The following PRRG1 variants were observed in gnomAD, a reference collection of about 807,000 sequenced individuals.
PRRG1 encodes transmembrane gamma-carboxyglutamic acid protein 1.
In PRRG1, 5 loss-of-function variants were observed where a neutral mutation model predicts 11.8. The ratio of observed to expected loss-of-function variants is 0.42; its 90% CI spans 0.22 to 0.89. PRRG1 has a LOEUF of 0.89. Ranked by LOEUF, PRRG1 falls within the 40% of genes least tolerant of loss-of-function variation. The pLI is 0.28. For synonymous variants in PRRG1, 66 were observed against 60.4 expected (o/e 1.09, Z -0.43); for missense variants, 155 against 166.1 (o/e 0.93, Z 0.37).
At chrX:37,412,457 A>G (rs1318223180) in intron 2 of PRRG1, among the ~76,000 whole-genome samples, 1 of 99,418 alleles carries the variant, frequency 1.0e-5, no homozygotes, top group Non-Finnish European at 2.0e-5. Context: ...GAAGTGCCTA[A>G]TTTTATTTGG....
Position 37,392,533 on chromosome X carries a change from A to T in PRRG1, c.-41-13676A>T, listed in dbSNP as rs781933551. Reference sequence around the variant, plus strand: ...GTAAAACCCTGTCTATACAAAAAAAAAAAATAATAAAATTACCAGGAGGCT... The same window carrying T: ...GTAAAACCCTGTCTATACAAAAAAATAAAATAATAAAATTACCAGGAGGCT... On this transcript the variant is annotated intron_variant, in intron 1 of 3. Coordinates refer to ENST00000378628, the MANE Select transcript of PRRG1 (RefSeq NM_001142395.2). Among the ~76,000 whole-genome samples the T allele has an allele frequency of 2.8e-5, 3 of 107,820 alleles. No homozygotes were observed. In the East Asian group the frequency reaches 8.7e-4, roughly 31 times the overall value. 93.6% of individuals were successfully genotyped at this position (107,820 alleles called of 115,157 possible).
At chrX:37,384,759 C>A (rs1556374759) in intron 1 of PRRG1, among the ~76,000 whole-genome samples, 1 of 111,579 alleles carries the variant, frequency 9.0e-6, no homozygotes, top group African/African-American at 3.3e-5. Flanking sequence ...GATACCATTA[C>A]CCCCTCAAGA....
At chrX:37,437,082 A>G (rs1932892577) in intron 3 of PRRG1, among the ~76,000 whole-genome samples, 1 of 112,379 alleles carries the variant, frequency 8.9e-6, no homozygotes, top group African/African-American at 3.2e-5. Flanking sequence ...GGTCAATAAC[A>G]TGTTGTTCCT....
intron 1 of PRRG1, among the ~76,000 whole-genome samples, chrX:37,350,027 G>T (rs1324507103): frequency 3.0e-5 from 3 of 101,466 alleles, no homozygotes; most frequent in African/African-American, 7.4e-5. Context: ...GGTCGGTCGC[G>T]GTGCGGCCCT....
At position 37,453,191 on chromosome X, in the gene PRRG1, G is replaced by A. The variant is rs781874829; in HGVS notation, c.227G>A (p.Ser76Asn). The A allele has an allele frequency of 8.3e-7, 1 of 1,208,982 alleles. No individual in the cohort carries two copies. The highest frequency in any genetic ancestry group is 1.1e-6 in the Non-Finnish European group (1 of 893,021). Residue 76 changes from serine to asparagine, a missense_variant, in exon 4 of 4, where the codon AGT (serine) becomes AAT (asparagine). Ser to Asn is a conservative substitution (Grantham distance 46, BLOSUM62 1). Coordinates refer to ENST00000378628, the MANE Select transcript of PRRG1 (RefSeq NM_001142395.2). ...CAACAAGGGGAGAGTAACCGAGGAA[G>A]TGACTGGTTTCAGTTTTACCTTACC... The part of the protein sequence containing the change: ...KAQQGESNRG[S>N]DWFQFYLTFP...
intron 3 of PRRG1, 88 bp downstream of exon 3, chrX:37,426,088 T>C (rs1932769285): frequency 1.1e-6 from 1 of 946,070 alleles, no homozygotes; most frequent in South Asian, 2.9e-5. Context: ...TTATGTACAT[T>C]GCTAGCAATT....
chrX:37,404,016 T>C (rs781913017), intron 1 of PRRG1, among the ~76,000 whole-genome samples: 2 of 112,680 alleles, frequency 1.8e-5, no homozygotes, highest in African/African-American at 6.4e-5. Flanking sequence ...TGCTGACCTC[T>C]GGAGCAGCAA....
chrX:37,368,357 A>G (rs1172743635), intron 1 of PRRG1, among the ~76,000 whole-genome samples: 2 of 112,175 alleles, frequency 1.8e-5, no homozygotes, highest in African/African-American at 3.2e-5. Context: ...TTAAAATGCT[A>G]TTATGGGATC....
intron 1 of PRRG1, among the ~76,000 whole-genome samples, chrX:37,375,434 A>G (rs976341763): frequency 1.8e-5 from 2 of 111,823 alleles, no homozygotes; most frequent in Non-Finnish European, 3.8e-5. Flanking sequence ...CCAACCATGG[A>G]TGGAAAATGT....
intron 1 of PRRG1, among the ~76,000 whole-genome samples, chrX:37,377,579 A>T (rs1931016005): frequency 8.9e-6 from 1 of 111,828 alleles, no homozygotes; most frequent in Admixed American, 9.5e-5. Flanking sequence ...GTAAGAGATT[A>T]TGTGGGGTTT....
chrX:37,402,076 A>C (rs1356720881), intron 1 of PRRG1, among the ~76,000 whole-genome samples: 1 of 111,693 alleles, frequency 9.0e-6, no homozygotes, highest in Admixed American at 9.5e-5. Flanking sequence ...TAATTTATAG[A>C]TTCAATGCCA....
intron 1 of PRRG1, among the ~76,000 whole-genome samples, chrX:37,369,448 A>G (rs781961165): frequency 8.9e-6 from 1 of 112,038 alleles, no homozygotes; most frequent in African/African-American, 3.2e-5. Flanking sequence ...GTTAACATAT[A>G]TGCATTACCT....
At position 37,402,773 on chromosome X, in the gene PRRG1, A is replaced by C. The variant is rs781900753; in HGVS notation, c.-41-3436A>C. Among the ~76,000 whole-genome samples, 3 of 111,683 alleles carry C rather than the reference A, an allele frequency of 2.7e-5. No homozygotes were observed. In the Admixed American group the frequency reaches 2.9e-4, roughly 11 times the overall value. ...AATATCCAGAATCTACAATGAACTC[A>C]AACAAATTTATAAGAAAAAAACAAC... On this transcript the variant is annotated intron_variant, in intron 1 of 3. Coordinates refer to ENST00000378628, the MANE Select transcript of PRRG1 (RefSeq NM_001142395.2).
chrX:37,372,552 G>A (rs187425416), intron 1 of PRRG1, among the ~76,000 whole-genome samples: 1 of 112,442 alleles, frequency 8.9e-6, no homozygotes, highest in South Asian at 3.7e-4. Context: ...GACCTCAAGT[G>A]ATCCACCTGC....
chrX:37,429,313 T>TA (rs1256084455), intron 3 of PRRG1, among the ~76,000 whole-genome samples: 2 of 112,269 alleles, frequency 1.8e-5, no homozygotes, highest in African/African-American at 6.5e-5. Flanking sequence ...TCCAAACTTT[T>TA]ATGCTCTGTT....
chrX:37,445,687 CAT>C (rs1408734814), intron 3 of PRRG1, among the ~76,000 whole-genome samples: 7 of 112,906 alleles, frequency 6.2e-5, no homozygotes, highest in South Asian at 3.6e-4. Context: ...ACATATATAA[CAT>C]GTGCACACTT....
chrX:37,425,238 G>A (rs1932758866), intron 2 of PRRG1, among the ~76,000 whole-genome samples: 1 of 111,399 alleles, frequency 9.0e-6, no homozygotes, highest in Admixed American at 9.6e-5. Flanking sequence ...CTAAAGGACA[G>A]TGAAATGAGG....
intron 1 of PRRG1, among the ~76,000 whole-genome samples, chrX:37,403,451 G>A (rs1377697369): frequency 4.6e-5 from 4 of 86,546 alleles, no homozygotes; most frequent in Non-Finnish European, 8.8e-5. Context: ...GACACAGGAA[G>A]GGGAACATCA....
At chrX:37,423,351 G>T (rs1430483123) in intron 2 of PRRG1, among the ~76,000 whole-genome samples, 2 of 109,567 alleles carry the variant, frequency 1.8e-5, no homozygotes, top group Admixed American at 9.8e-5. Context: ...AAATATTTTT[G>T]TACAGCTGTA....
Sources: allele counts gnomAD v4.1 joint callset (sites outside exome capture counted in the v4.1 genomes callset), GRCh38; gene constraint gnomAD v4.1.1; transcripts MANE v1.5; gene names NCBI Gene and HGNC (gene_info 2026-07-23, HGNC 2026-07-21).